Variants in MOB1A observed in about 807,000 individuals in gnomAD.
MOB1A encodes MOB kinase activator 1A, also known as MOB1 Mps One Binder homolog A.
A neutral mutation model predicts 25.1 loss-of-function variants in MOB1A; 10 were observed. The observed-to-expected ratio is 0.40, with a 90% CI of 0.25 to 0.68. MOB1A has a LOEUF of 0.68. Among genes scored for constraint, MOB1A ranks in the 30% least tolerant of loss-of-function variants. The pLI is 0.40. For missense variants in MOB1A, 177 were observed against 256.3 expected, an observed-to-expected ratio of 0.69 and a Z score of 2.11; for synonymous variants, 81 against 79.5, an observed-to-expected ratio of 1.02 and a Z score of -0.10.
intron 4 of MOB1A, among the ~76,000 whole-genome samples, chr2:74,162,742 A>G (rs1324878290): frequency 6.6e-6 from 1 of 152,200 alleles, no homozygotes; most frequent in Non-Finnish European, 1.5e-5. Context: ...TGTTGTCCTG[A>G]AAAGCCTCTA....
intron 2 of MOB1A, among the ~76,000 whole-genome samples, chr2:74,167,854 TGGCCA>T (rs1162464265): frequency 2.6e-5 from 4 of 152,142 alleles, no homozygotes; most frequent in African/African-American, 7.2e-5. Context: ...ATATAAGATA[TGGCCA>T]GGCATGGTGG....
intron 2 of MOB1A, among the ~76,000 whole-genome samples, chr2:74,168,193 A>G (rs1693185825): frequency 6.6e-6 from 1 of 152,218 alleles, no homozygotes; most frequent in Non-Finnish European, 1.5e-5. Context: ...AAGGCCAACG[A>G]TAAATGCTAC....
chr2:74,159,344 G>A (rs1209056555), intron 4 of MOB1A, 90 bp from the exon 5 acceptor site: 10 of 1,174,596 alleles, frequency 8.5e-6, no homozygotes, highest in East Asian at 2.5e-5. Flanking sequence ...TTGTCACTCA[G>A]GCAGTGGTGC....
intron 1 of MOB1A, among the ~76,000 whole-genome samples, chr2:74,176,340 G>C (rs1667454060): frequency 6.9e-6 from 1 of 144,372 alleles, no homozygotes; most frequent in Non-Finnish European, 1.5e-5. Flanking sequence ...AATCATATCT[G>C]AAAAGTTTTT....
intron 1 of MOB1A, among the ~76,000 whole-genome samples, chr2:74,173,494 C>T (rs2103741344): frequency 6.7e-6 from 1 of 149,718 alleles, no homozygotes; most frequent in South Asian, 2.1e-4. Context: ...GATTCTCCTG[C>T]CTCAGCCTCT....
At chr2:74,159,827 CCA>C (rs386647373) in intron 4 of MOB1A, among the ~76,000 whole-genome samples, 3,224 of 106,150 alleles carry the variant, frequency 0.03, 151 homozygotes, top group African/African-American at 0.11. Context: ...GTCCCCCCCC[CCA>C]CCCCGGAGAC....
intron 5 of MOB1A, among the ~76,000 whole-genome samples, chr2:74,158,183 A>AT (rs1692855221): frequency 8.9e-6 from 1 of 112,414 alleles, no homozygotes; most frequent in Admixed American, 9.3e-5. Context: ...CTGTCTCCAA[A>AT]AAAAAAAAAA....
chr2:74,172,528 C>A, intron 2 of MOB1A, 58 bp downstream of exon 2: 1 of 1,522,134 alleles, frequency 6.6e-7, no homozygotes, highest in East Asian at 2.3e-5. Context: ...AATTCATTAA[C>A]AAAGAGATTT....
rs578026035 is a variant in MOB1A at position 74,154,227 on chromosome 2, C to G, written c.*2341G>C. ...AAAAAAAAAGATTGATTTCGTCAAA[C>G]TGTTATCAAAGGTTGGCCCTCTAGC... On this transcript the variant is annotated 3_prime_UTR_variant, in exon 6 of 6. Coordinates refer to ENST00000396049, the MANE Select transcript of MOB1A (RefSeq NM_018221.5). The G allele has an allele frequency of 1.3e-5, 2 of 149,840 alleles. No individual in the cohort carries two copies. Among genetic ancestry groups the G allele is most frequent in the African/African-American group, 5.0e-5 (2 of 40,392 alleles). 9.3% of individuals were successfully genotyped at this position (149,840 alleles called of 1,614,324 possible). A position where few individuals can be genotyped will look rare whatever the true frequency, so the allele number is the denominator to read the frequency against.
chr2:74,177,548 C>G (rs1311924845), intron 1 of MOB1A, among the ~76,000 whole-genome samples: 1 of 151,566 alleles, frequency 6.6e-6, no homozygotes, highest in African/African-American at 2.4e-5. Context: ...CGAGAATAAC[C>G]CAAAGGAAGG....
intron 1 of MOB1A, among the ~76,000 whole-genome samples, chr2:74,177,173 T>C: frequency 6.6e-6 from 1 of 150,786 alleles, no homozygotes; most frequent in Admixed American, 6.6e-5. Flanking sequence ...ATGAGCCAGG[T>C]GTGGTGGCCG....
chr2:74,177,625 C>A (rs77024259), intron 1 of MOB1A, among the ~76,000 whole-genome samples: 6 of 151,886 alleles, frequency 4.0e-5, no homozygotes, highest in Admixed American at 6.6e-5. Context: ...TGGAAGGAAT[C>A]CCAGTTTCTC....
At chr2:74,175,966 C>A (rs963267959) in intron 1 of MOB1A, among the ~76,000 whole-genome samples, 9 of 151,784 alleles carry the variant, frequency 5.9e-5, no homozygotes, top group Admixed American at 4.6e-4. Flanking sequence ...TAAAAAAGAG[C>A]CGGGTGCAGT....
At chr2:74,165,665 A>C (rs1693109786) in intron 3 of MOB1A, among the ~76,000 whole-genome samples, 1 of 152,218 alleles carries the variant, frequency 6.6e-6, no homozygotes, top group South Asian at 2.1e-4. Flanking sequence ...AGGGCTGGGC[A>C]TGGAGCCGAT....
intron 1 of MOB1A, among the ~76,000 whole-genome samples, chr2:74,173,651 T>C (rs993076900): frequency 1.4e-4 from 21 of 151,110 alleles, no homozygotes; most frequent in African/African-American, 4.6e-4. Context: ...CAAAGTGCTA[T>C]AGAAAATGAT....
intron 4 of MOB1A, among the ~76,000 whole-genome samples, chr2:74,161,586 T>C (rs1214485250): frequency 1.1e-4 from 16 of 151,286 alleles, no homozygotes; most frequent in Non-Finnish European, 2.2e-4. Flanking sequence ...GAGGCGGAGC[T>C]TGCAGTGTGC....
chr2:74,177,111 G>T (rs900369971), intron 1 of MOB1A, among the ~76,000 whole-genome samples: 1 of 152,016 alleles, frequency 6.6e-6, no homozygotes, highest in Non-Finnish European at 1.5e-5. Flanking sequence ...TCAGGAGTTC[G>T]AGACCAGCCT....
At chr2:74,161,232 G>T (rs550224951) in intron 4 of MOB1A, among the ~76,000 whole-genome samples, 1 of 152,152 alleles carries the variant, frequency 6.6e-6, no homozygotes, top group African/African-American at 2.4e-5. Context: ...TTATTTTGCT[G>T]ATGTTTGTGG....
intron 1 of MOB1A, among the ~76,000 whole-genome samples, chr2:74,175,655 A>C (rs1371046145): frequency 6.6e-6 from 1 of 152,202 alleles, no homozygotes; most frequent in Non-Finnish European, 1.5e-5. Context: ...ACCTAGAAGC[A>C]ATCCTCAAGT....
Sources: gnomAD v4.1 joint callset for allele counts (sites outside exome capture counted in the v4.1 genomes callset) on GRCh38, gnomAD v4.1.1 for gene constraint, MANE v1.5 for transcripts, NCBI Gene and HGNC (gene_info 2026-07-23, HGNC 2026-07-21) for gene names.